NDUFAF6: variants seen among roughly 807,000 people sequenced by gnomAD.
NDUFAF6 encodes the protein NADH:ubiquinone oxidoreductase complex assembly factor 6, also known as NADH dehydrogenase (ubiquinone) complex I, assembly factor 6.
A neutral mutation model predicts 40.8 loss-of-function variants in NDUFAF6; 45 were observed. That is an observed-to-expected ratio of 1.10 (90% CI 0.87 to 1.42). The LOEUF is 1.42. Among genes scored for constraint, NDUFAF6 ranks in the 40% most tolerant of loss-of-function variants. The pLI, the probability that NDUFAF6 is intolerant of heterozygous loss-of-function variation, is 0.00. For synonymous variants in NDUFAF6, 185 were observed against 155.9 expected, an observed-to-expected ratio of 1.19 and a Z score of -1.39; for missense variants, 435 against 418.5, an observed-to-expected ratio of 1.04 and a Z score of -0.34.
At chr8:94,901,115 C>T (rs1376933244) in intron 1 of NDUFAF6, among the ~76,000 whole-genome samples, 3 of 151,976 alleles carry the variant, frequency 2.0e-5, no homozygotes, top group African/African-American at 7.3e-5. Flanking sequence ...AGAGAATAAG[C>T]CATACAAATA....
intron 2 of NDUFAF6, among the ~76,000 whole-genome samples, chr8:95,004,694 TC>T (rs1826883997): frequency 6.6e-6 from 1 of 152,140 alleles, no homozygotes; most frequent in Admixed American, 6.5e-5. Flanking sequence ...TGTAATTAGT[TC>T]TTCTGTGATC....
chr8:94,934,073 G>A (rs1820724349), intron 1 of NDUFAF6, among the ~76,000 whole-genome samples: 1 of 147,874 alleles, frequency 6.8e-6, no homozygotes, highest in African/African-American at 2.5e-5. Flanking sequence ...GTGAAACTCT[G>A]TCTCAAAAAA....
chr8:94,978,649 G>C (rs1825164924), intron 1 of NDUFAF6, among the ~76,000 whole-genome samples: 1 of 151,994 alleles, frequency 6.6e-6, no homozygotes, highest in Admixed American at 6.6e-5. Flanking sequence ...GGGAGGTCGA[G>C]GCTGCAGTGA....
At chr8:95,090,872 G>T (rs548946933) in intron 2 of NDUFAF6, among the ~76,000 whole-genome samples, 2 of 152,152 alleles carry the variant, frequency 1.3e-5, no homozygotes, top group African/African-American at 4.8e-5. Context: ...TTTTTCTCCC[G>T]TGCTGAATGC....
chr8:95,041,513 T>C (rs942075507), intron 3 of NDUFAF6, 57 bp from the exon 4 acceptor site: 2 of 1,210,302 alleles, frequency 1.7e-6, no homozygotes, highest in Non-Finnish European at 2.5e-6. Flanking sequence ...TTTATTCAGA[T>C]CTACAGAAGT....
rs554729054 is a variant in NDUFAF6, at chr8:94,996,137, G to A, written c.-84+15164G>A. Among the ~76,000 whole-genome samples, 4 of 152,226 alleles carry A rather than the reference G, an allele frequency of 2.6e-5. No homozygotes were observed. The East Asian group carries it at 7.7e-4, about 29-fold the overall frequency. ...ATAGTGCATCACATTAATGTATCACGTTAAGTTAAACTGACCCTGGGTCAG... is the reference window on the plus strand; with the variant it reads ...ATAGTGCATCACATTAATGTATCACATTAAGTTAAACTGACCCTGGGTCAG... On this transcript the variant is annotated intron_variant, in intron 2 of 9. Transcript: ENST00000396111.
chr8:94,967,967 G>C (rs1007402175), intron 1 of NDUFAF6, among the ~76,000 whole-genome samples: 5 of 151,620 alleles, frequency 3.3e-5, no homozygotes, highest in Admixed American at 3.3e-4. Context: ...AGTCAGCTGG[G>C]GCTACAGTCA....
intron 1 of NDUFAF6, among the ~76,000 whole-genome samples, chr8:94,904,128 GTTTTTGTGGT>G (rs2131184676): frequency 6.6e-6 from 1 of 150,708 alleles, no homozygotes; most frequent in Admixed American, 6.6e-5. Flanking sequence ...TTTTGTTTTT[GTTTTTGTGGT>G]TTTTTTGTTT....
chr8:94,935,053 C>T (rs78038366), intron 1 of NDUFAF6, among the ~76,000 whole-genome samples: 1,860 of 151,908 alleles, frequency 0.012, 21 homozygotes, highest in Non-Finnish European at 0.021. Context: ...AATTAATGTG[C>T]TGCCTAGGGT....
chr8:94,981,210 A>G (rs1359764493), intron 2 of NDUFAF6, among the ~76,000 whole-genome samples: 2 of 152,166 alleles, frequency 1.3e-5, no homozygotes, highest in East Asian at 3.9e-4. Flanking sequence ...ATTAGTTCCC[A>G]TGAGAGTGGG....
intron 1 of NDUFAF6, chr8:94,896,726 C>T (rs966441126): frequency 6.6e-6 from 1 of 152,128 alleles, no homozygotes; most frequent in African/African-American, 2.4e-5. Context: ...CCGGCGACCC[C>T]CGCTCCCGCC....
chr8:94,997,287 AAGACACACACAC>A (rs1344502312), intron 2 of NDUFAF6, among the ~76,000 whole-genome samples: 5 of 103,216 alleles, frequency 4.8e-5, no homozygotes, highest in African/African-American at 1.7e-4. Flanking sequence ...AGCAAGAAGA[AAGACACACACAC>A]ACACACACAC....
intron 3 of NDUFAF6, among the ~76,000 whole-genome samples, chr8:95,036,975 G>A (rs527256314): frequency 6.6e-6 from 1 of 152,196 alleles, no homozygotes; most frequent in East Asian, 1.9e-4. Context: ...AGCATATGGG[G>A]CATATTGGGT....
intron 2 of NDUFAF6, among the ~76,000 whole-genome samples, chr8:94,991,110 T>C (rs1170579210): frequency 1.3e-5 from 2 of 152,136 alleles, no homozygotes; most frequent in Admixed American, 6.6e-5. Context: ...CCACACAAAG[T>C]AGATCATCTT....
intron 1 of NDUFAF6, among the ~76,000 whole-genome samples, chr8:94,899,860 C>T (rs1046718833): frequency 1.3e-5 from 2 of 152,156 alleles, no homozygotes; most frequent in African/African-American, 4.8e-5. Context: ...TCTGTACCTC[C>T]GCTTGGATTA....
chr8:94,931,609 C>CAT (rs1554629448), intron 1 of NDUFAF6, among the ~76,000 whole-genome samples: 2 of 151,560 alleles, frequency 1.3e-5, no homozygotes, highest in African/African-American at 4.9e-5. Flanking sequence ...CACACACACA[C>CAT]ATAAAATTTT....
chr8:95,113,866 T>A (rs1810065688), intron 4 of NDUFAF6, among the ~76,000 whole-genome samples: 1 of 151,788 alleles, frequency 6.6e-6, no homozygotes, highest in African/African-American at 2.4e-5. Context: ...GGGACATGGA[T>A]GAAATTGGAA....
chr8:95,111,479 A>G (rs887197486), intron 4 of NDUFAF6, among the ~76,000 whole-genome samples: 2 of 152,244 alleles, frequency 1.3e-5, no homozygotes, highest in Admixed American at 1.3e-4. Context: ...GAAGCCACAT[A>G]CTGCACATTC....
chr8:95,042,016 A>G (rs1159343395), intron 4 of NDUFAF6, among the ~76,000 whole-genome samples: 1 of 152,278 alleles, frequency 6.6e-6, no homozygotes, highest in African/African-American at 2.4e-5. Flanking sequence ...GACAAAAAAC[A>G]TAGCCATGAT....
Sources: allele counts gnomAD v4.1 joint callset (sites outside exome capture counted in the v4.1 genomes callset), GRCh38; gene constraint gnomAD v4.1.1; transcripts MANE v1.5; gene names NCBI Gene and HGNC (gene_info 2026-07-23, HGNC 2026-07-21).